The following ZNF536 variants were observed in gnomAD, a reference collection of about 807,000 sequenced individuals.
The protein encoded by ZNF536 is zinc finger protein 536.
In ZNF536, 13 loss-of-function variants were observed where a neutral mutation model predicts 84.5. The ratio of observed to expected loss-of-function variants is 0.15; its 90% CI spans 0.10 to 0.24. The LOEUF (loss-of-function observed/expected upper bound fraction) is 0.24, where lower values mean the gene tolerates loss of function less well. Among genes scored for constraint, ZNF536 ranks in the 10% least tolerant of loss-of-function variants. ZNF536 has a pLI of 1.00. For missense variants in ZNF536, 1,536 were observed against 1,747.5 expected (o/e 0.88, Z 2.16); for synonymous variants, 811 against 742.5 (o/e 1.09, Z -1.50).
intron 1 of ZNF536, among the ~76,000 whole-genome samples, chr19:30,590,466 C>G (rs1013037276): frequency 1.3e-4 from 20 of 152,222 alleles, no homozygotes; most frequent in African/African-American, 4.8e-4. Context: ...TCTTGGCCTT[C>G]AAAGCCTTTG....
Position 30,548,239 on chromosome 19 carries a change from A to T in ZNF536, c.2620A>T (p.Thr874Ser). The T allele has an allele frequency of 6.2e-7, 1 of 1,614,226 alleles. No homozygotes were observed. Among genetic ancestry groups the T allele is most frequent in the Non-Finnish European group, 8.5e-7 (1 of 1,180,024 alleles). The change falls in exon 4 of 5, where the codon ACG becomes TCG. Residue 874 changes from threonine (T) to serine (S), a missense_variant. By Grantham distance (58) the Thr-to-Ser change is moderately conservative. Coordinates refer to ENST00000355537, the MANE Select transcript of ZNF536 (RefSeq NM_014717.3). The stretch of plus-strand genomic sequence containing the variant: ...CTCTGGAGATCACTCGGGGCAGGCC[A>T]CGGGCATGTCTTCGGAGGTCCCCTC... The part of the protein sequence containing the change: ...LSSGDHSGQA[T>S]GMSSEVPSDA...
downstream of ZNF536, among the ~76,000 whole-genome samples, chr19:30,559,317 T>C (rs2046074631): frequency 6.6e-6 from 1 of 152,208 alleles, no homozygotes; most frequent in Admixed American, 6.5e-5. Flanking sequence ...TGAATGACCC[T>C]AACCTCCAGG....
chr19:30,246,979 G>A (rs1275354840), intron 1 of ZNF536, among the ~76,000 whole-genome samples: 13 of 152,154 alleles, frequency 8.5e-5, no homozygotes, highest in Non-Finnish European at 1.0e-4. Flanking sequence ...GTGATTCTTG[G>A]TGATGACCTA....
intron 2 of ZNF536, among the ~76,000 whole-genome samples, chr19:30,510,046 A>G (rs1283313601): frequency 2.6e-5 from 4 of 152,238 alleles, no homozygotes; most frequent in African/African-American, 7.2e-5. Context: ...GGGGGAAATT[A>G]GAAGTGGAAG....
chr19:30,711,963 C>A (rs965580162), exon 2 of ZNF536: 1 of 151,946 alleles, frequency 6.6e-6, no homozygotes, highest in Non-Finnish European at 1.5e-5. Context: ...TCCTTATTAT[C>A]GGATTTTTTT....
At chr19:30,553,218 G>T (rs1167071192) in intron 4 of ZNF536, among the ~76,000 whole-genome samples, 1 of 152,202 alleles carries the variant, frequency 6.6e-6, no homozygotes, top group Non-Finnish European at 1.5e-5. Context: ...AGCAGTGTTT[G>T]CATCCATGGA....
At chr19:30,289,281 A>G (rs1285070023) in intron 2 of ZNF536, among the ~76,000 whole-genome samples, 3 of 152,192 alleles carry the variant, frequency 2.0e-5, no homozygotes, top group Non-Finnish European at 4.4e-5. Flanking sequence ...CTGAAATTTA[A>G]TGTTTTGTTT....
intron 2 of ZNF536, among the ~76,000 whole-genome samples, chr19:30,293,379 T>C (rs1306889343): frequency 1.3e-5 from 2 of 152,214 alleles, no homozygotes; most frequent in African/African-American, 2.4e-5. Flanking sequence ...ATTTTACATA[T>C]TTCTGTGCAT....
chr19:30,519,444 T>A (rs2044228211), intron 2 of ZNF536, among the ~76,000 whole-genome samples: 1 of 152,080 alleles, frequency 6.6e-6, no homozygotes, highest in Non-Finnish European at 1.5e-5. Context: ...AGCCCTGCAC[T>A]CTCTCAAGGA....
chr19:30,238,041 G>T (rs2144792685), intron 1 of ZNF536, among the ~76,000 whole-genome samples: 1 of 152,310 alleles, frequency 6.6e-6, no homozygotes, highest in Non-Finnish European at 1.5e-5. Flanking sequence ...AGTAGAACTG[G>T]ACTAATTCTT....
intron 1 of ZNF536, among the ~76,000 whole-genome samples, chr19:30,383,831 CTTCT>C (rs1157726923): frequency 1.7e-4 from 18 of 106,960 alleles, no homozygotes; most frequent in African/African-American, 7.2e-4. Flanking sequence ...TTTCTTTCTC[CTTCT>C]TTCCTTCCTT....
intron 1 of ZNF536, among the ~76,000 whole-genome samples, chr19:30,635,484 T>C (rs2049033682): frequency 6.6e-6 from 1 of 152,174 alleles, no homozygotes; most frequent in South Asian, 2.1e-4. Flanking sequence ...AGGGCTGTCC[T>C]TCTTGCAAGG....
chr19:30,635,960 A>G (rs1198858750), intron 1 of ZNF536, among the ~76,000 whole-genome samples: 2 of 152,226 alleles, frequency 1.3e-5, no homozygotes, highest in African/African-American at 2.4e-5. Flanking sequence ...GGGTGCCCCC[A>G]GAGGATGAGT....
chr19:30,536,036 C>A (rs1412425617), intron 3 of ZNF536, among the ~76,000 whole-genome samples: 1 of 152,148 alleles, frequency 6.6e-6, no homozygotes. Flanking sequence ...AGGCCATGGG[C>A]CGAGTCACCA....
At chr19:30,320,610 C>T (rs947303204) in intron 2 of ZNF536, among the ~76,000 whole-genome samples, 4 of 152,244 alleles carry the variant, frequency 2.6e-5, no homozygotes, top group African/African-American at 7.2e-5. Context: ...ACGCAGCCCA[C>T]GGAGCCCCCG....
At chr19:30,321,864 G>T (rs750445940) in intron 2 of ZNF536, among the ~76,000 whole-genome samples, 1 of 148,532 alleles carries the variant, frequency 6.7e-6, no homozygotes, top group African/African-American at 2.5e-5. Context: ...AGCAACCTCC[G>T]CCTCCAAGGT....
chr19:30,232,960 T>C (rs1171046742), intron 1 of ZNF536, among the ~76,000 whole-genome samples: 1 of 152,234 alleles, frequency 6.6e-6, no homozygotes, highest in Admixed American at 6.5e-5. Context: ...CGCTGGGCCT[T>C]GTCTTGGGCC....
chr19:30,471,658 A>G (rs1441864469), intron 2 of ZNF536, among the ~76,000 whole-genome samples: 1 of 152,228 alleles, frequency 6.6e-6, no homozygotes, highest in Non-Finnish European at 1.5e-5. Flanking sequence ...CATGTGGGCA[A>G]AACAGTATCA....
At chr19:30,378,326 A>G (rs927416757) in intron 1 of ZNF536, among the ~76,000 whole-genome samples, 16 of 152,108 alleles carry the variant, frequency 1.1e-4, no homozygotes, top group Middle Eastern at 3.4e-3. Context: ...ATGCCTGGCT[A>G]ATTTTTGTAT....
Sources: gnomAD v4.1 joint callset for allele counts (sites outside exome capture counted in the v4.1 genomes callset) on GRCh38, gnomAD v4.1.1 for gene constraint, MANE v1.5 for transcripts, NCBI Gene and HGNC (gene_info 2026-07-23, HGNC 2026-07-21) for gene names.